Variants in ULK4 observed in about 807,000 individuals in gnomAD.
ULK4 encodes inactive serine/threonine-protein kinase ULK4.
In ULK4, 133 loss-of-function variants were observed where a neutral mutation model predicts 160.6. That is an observed-to-expected ratio of 0.83 (90% confidence interval 0.72 to 0.96). The LOEUF (loss-of-function observed/expected upper bound fraction) is 0.96. Among genes scored for constraint, ULK4 ranks in the 40% least tolerant of loss-of-function variants. The pLI, the probability that ULK4 is intolerant of heterozygous loss-of-function variation, is 0.00. For synonymous variants in ULK4, 534 were observed against 539.8 expected, an observed-to-expected ratio of 0.99 and a Z score of 0.15; for missense variants, 1,580 against 1,499.5, an observed-to-expected ratio of 1.05 and a Z score of -0.89.
At chr3:41,805,667 T>G (rs1287693781) in intron 19 of ULK4, among the ~76,000 whole-genome samples, 2 of 147,086 alleles carry the variant, frequency 1.4e-5, no homozygotes, top group African/African-American at 2.5e-5. Context: ...CATCAATACC[T>G]AATTTATTGA....
intron 35 of ULK4, among the ~76,000 whole-genome samples, chr3:41,335,058 G>A (rs992924603): frequency 6.6e-6 from 1 of 152,106 alleles, no homozygotes; most frequent in Admixed American, 6.5e-5. Flanking sequence ...ACACAAATAA[G>A]AAAAACAAAA....
intron 27 of ULK4, among the ~76,000 whole-genome samples, chr3:41,686,563 C>T (rs560885155): frequency 2.0e-5 from 3 of 152,190 alleles, no homozygotes; most frequent in African/African-American, 7.2e-5. Context: ...TAAAAGTCAT[C>T]TAGATAATAA....
chr3:41,526,663 C>A (rs1276916127), intron 32 of ULK4, among the ~76,000 whole-genome samples: 1 of 152,154 alleles, frequency 6.6e-6, no homozygotes, highest in East Asian at 1.9e-4. Flanking sequence ...ATATGTCTTC[C>A]AGGACTGCAG....
rs780765590 is a variant in ULK4 at position 41,754,402 on chromosome 3, C to T, written c.2280G>A (p.Leu760=). 6 of 1,612,932 alleles carry T rather than the reference C, an allele frequency of 3.7e-6. No individual in the cohort carries two copies. Among genetic ancestry groups the T allele is most frequent in the Non-Finnish European group, 5.1e-6 (6 of 1,179,674 alleles). Residue 760 remains leucine, a synonymous_variant, in exon 22 of 37, where the codon TTG becomes TTA. Transcript: ENST00000301831. ...GCAGCAACATCTCACGGTTATAAAT[C>T]AAAATATATAGAAGAACCAGGAAGG... ...AKAFLVLLYI[L]IYNREMLLLS...
chr3:41,771,200 ATC>A (rs2039353729), intron 21 of ULK4, among the ~76,000 whole-genome samples: 2 of 152,200 alleles, frequency 1.3e-5, no homozygotes, highest in African/African-American at 4.8e-5. Flanking sequence ...CCACATAATA[ATC>A]TGTCAGAATA....
rs536367860 is a variant in ULK4, at chr3:41,368,702, T to C, written c.3678+29377A>G. Among the ~76,000 whole-genome samples the C allele has an allele frequency of 3.3e-5, 5 of 152,346 alleles. No individual in the cohort carries two copies. In the East Asian group the frequency reaches 9.6e-4, roughly 29 times the overall value. On this transcript the variant is annotated intron_variant, in intron 35 of 36. Transcript: ENST00000301831. The stretch of plus-strand genomic sequence containing the variant: ...ATGTTTCCAAGGTCCATCCATGTTG[T>C]AGCATGTATCAGTACTTCATTCCTT...
At chr3:41,369,793 CAAAA>C (rs555783980) in intron 35 of ULK4, among the ~76,000 whole-genome samples, 2 of 98,006 alleles carry the variant, frequency 2.0e-5, no homozygotes, top group Non-Finnish European at 4.3e-5. Context: ...GACTATGTCT[CAAAA>C]AAAAAAAAAA....
intron 32 of ULK4, among the ~76,000 whole-genome samples, chr3:41,496,169 T>C (rs1361025333): frequency 6.6e-6 from 1 of 151,600 alleles, no homozygotes; most frequent in Non-Finnish European, 1.5e-5. Flanking sequence ...CTAAAAAGAG[T>C]AGAATGAACA....
Position 41,900,759 on chromosome 3 carries a change from T to G in ULK4, c.1253A>C (p.Asp418Ala). The change falls in exon 13 of 37, where the codon GAT (aspartate) becomes GCT (alanine). Residue 418 changes from aspartate to alanine, a missense_variant. Transcript: ENST00000301831. ...QMRELIYTDS[D>A]LVVTPIIDNP... is the part of the protein sequence containing the mutation. ...GTCGATAATGGGGGTGACAACAAGA[T>G]CTGAGTCCGTGTAGATAAGCTCTCT... is the stretch of plus-strand genomic sequence containing the variant. 1 of 1,613,778 alleles carries G rather than the reference T, an allele frequency of 6.2e-7. No individual in the cohort carries two copies. The highest frequency in any genetic ancestry group is 8.5e-7 in the Non-Finnish European group (1 of 1,179,752).
chr3:41,618,555 T>C (rs1224046325), intron 30 of ULK4, among the ~76,000 whole-genome samples: 1 of 152,162 alleles, frequency 6.6e-6, no homozygotes, highest in Admixed American at 6.5e-5. Context: ...AATAAAATCC[T>C]TTCCAGATGA....
chr3:41,331,211 T>C (rs1428655769), intron 35 of ULK4, among the ~76,000 whole-genome samples: 2 of 152,102 alleles, frequency 1.3e-5, no homozygotes, highest in African/African-American at 4.8e-5. Context: ...CAAGCAGATG[T>C]CCAGCTGGGG....
chr3:41,469,037 C>CA (rs1337847530), intron 32 of ULK4, among the ~76,000 whole-genome samples: 1 of 152,146 alleles, frequency 6.6e-6, no homozygotes, highest in East Asian at 1.9e-4. Context: ...CAGAAGTGAT[C>CA]AAAAGTTCTA....
intron 21 of ULK4, among the ~76,000 whole-genome samples, chr3:41,786,003 A>C (rs2039986779): frequency 6.6e-6 from 1 of 152,082 alleles, no homozygotes; most frequent in East Asian, 1.9e-4. Context: ...TTATCATCCA[A>C]GGCCAGAATG....
At position 41,246,935 on chromosome 3, in the gene ULK4, C is replaced by T. The variant is rs751389280; in HGVS notation, c.3822G>A (p.Gly1274=). 4.3e-6 allele frequency: 7 copies of T among 1,613,724 alleles called. No individual in the cohort carries two copies. The highest frequency in any genetic ancestry group is 1.7e-5 in the Admixed American group (1 of 59,988). The change falls in exon 37 of 37, where the codon GGG becomes GGA. Residue 1274 remains glycine, a synonymous_variant. Transcript: ENST00000301831. ...GTGCTAAGCACCTTCTTGCCTAGTG[C>T]CCAACGGCTTGGAGGATTTCCAGGG... ...PLALEILQAV[G]H
chr3:41,826,014 T>C (rs1389278621), intron 18 of ULK4, among the ~76,000 whole-genome samples: 2 of 152,188 alleles, frequency 1.3e-5, no homozygotes, highest in Admixed American at 1.3e-4. Context: ...TCAACATTCT[T>C]AAAGAAAAGA....
intron 27 of ULK4, among the ~76,000 whole-genome samples, chr3:41,694,263 C>T (rs1034860115): frequency 6.6e-6 from 1 of 152,144 alleles, no homozygotes; most frequent in South Asian, 2.1e-4. Flanking sequence ...CAGATAGGCA[C>T]GTGTATGTAA....
intron 32 of ULK4, among the ~76,000 whole-genome samples, chr3:41,523,733 A>G (rs1257131000): frequency 1.3e-5 from 2 of 152,184 alleles, no homozygotes; most frequent in African/African-American, 4.8e-5. Flanking sequence ...TTCTTCAAAA[A>G]AATTAATCAT....
At chr3:41,682,793 A>G (rs1383773638) in intron 27 of ULK4, among the ~76,000 whole-genome samples, 3 of 152,210 alleles carry the variant, frequency 2.0e-5, no homozygotes, top group Non-Finnish European at 4.4e-5. Context: ...AGAACTCCAA[A>G]CTTCCAGTTA....
At chr3:41,313,080 T>C (rs1452402694) in intron 35 of ULK4, among the ~76,000 whole-genome samples, 2 of 152,092 alleles carry the variant, frequency 1.3e-5, no homozygotes, top group Non-Finnish European at 2.9e-5. Context: ...AAGAGATGGT[T>C]TGAGAAGACA....
Sources: gnomAD v4.1 joint callset for allele counts (sites outside exome capture counted in the v4.1 genomes callset) on GRCh38, gnomAD v4.1.1 for gene constraint, MANE v1.5 for transcripts, NCBI Gene and HGNC (gene_info 2026-07-23, HGNC 2026-07-21) for gene names.